Variants in NKAIN3 observed in about 807,000 individuals in gnomAD.
NKAIN3 encodes the protein sodium/potassium transporting ATPase interacting 3.
NKAIN3 carries 25 observed loss-of-function variants against 30.2 expected under a neutral mutation model. The ratio of observed to expected loss-of-function variants is 0.83; its 90% CI spans 0.60 to 1.16. The LOEUF (loss-of-function observed/expected upper bound fraction) is 1.16, where lower values mean the gene tolerates loss of function less well. Ranked by LOEUF, NKAIN3 falls within the 50% of genes most tolerant of loss-of-function variation. NKAIN3 has a pLI of 0.00. For missense variants in NKAIN3, 225 were observed against 254.1 expected (o/e 0.89, Z 0.78); for synonymous variants, 91 against 89.6 (o/e 1.02, Z -0.09).
intron 3 of NKAIN3, among the ~76,000 whole-genome samples, chr8:62,610,901 T>C (rs1811268659): frequency 6.6e-6 from 1 of 152,156 alleles, no homozygotes. Flanking sequence ...TACATATAGT[T>C]TCATAGTAGA....
chr8:62,407,286 T>C (rs1050286321), intron 1 of NKAIN3, among the ~76,000 whole-genome samples: 1 of 151,854 alleles, frequency 6.6e-6, no homozygotes, highest in African/African-American at 2.4e-5. Context: ...TGTATATGTG[T>C]GTATATATAT....
chr8:62,668,850 A>G (rs1813212144), intron 3 of NKAIN3, among the ~76,000 whole-genome samples: 1 of 152,178 alleles, frequency 6.6e-6, no homozygotes, highest in Non-Finnish European at 1.5e-5. Context: ...CTAATTGTCA[A>G]GTTTTCCTTC....
At chr8:62,268,430 G>T (rs935960992) in intron 1 of NKAIN3, among the ~76,000 whole-genome samples, 3 of 152,094 alleles carry the variant, frequency 2.0e-5, no homozygotes, top group Non-Finnish European at 4.4e-5. Flanking sequence ...TCTATCCTCT[G>T]GGGGGACACC....
At chr8:62,631,720 T>A (rs1811965462) in intron 3 of NKAIN3, among the ~76,000 whole-genome samples, 1 of 152,140 alleles carries the variant, frequency 6.6e-6, no homozygotes, top group Non-Finnish European at 1.5e-5. Context: ...CCCTAATACC[T>A]AATGAAATTC....
chr8:62,675,592 T>C (rs1471517), intron 3 of NKAIN3, among the ~76,000 whole-genome samples: 59,159 of 151,966 alleles, frequency 0.39, 13,373 homozygotes, highest in African/African-American at 0.61. Flanking sequence ...CTTTGAGGGC[T>C]GGGGACTCTA....
At chr8:62,804,451 C>T (rs948115712) in intron 4 of NKAIN3, among the ~76,000 whole-genome samples, 7 of 152,204 alleles carry the variant, frequency 4.6e-5, no homozygotes, top group African/African-American at 1.7e-4. Context: ...GTTTATCCAC[C>T]ACGATCAAGT....
chr8:62,420,428 C>T (rs1419415513), intron 1 of NKAIN3, among the ~76,000 whole-genome samples: 1 of 152,102 alleles, frequency 6.6e-6, no homozygotes, highest in Non-Finnish European at 1.5e-5. Flanking sequence ...ATTGGTATTT[C>T]CGTGTTACAC....
At position 62,782,175 on chromosome 8, in the gene NKAIN3, G is replaced by A. The variant is rs181342298; in HGVS notation, c.471+35046G>A. On this transcript the variant is annotated intron_variant, in intron 4 of 6. Transcript: ENST00000623646. The stretch of plus-strand genomic sequence containing the variant: ...GCCAACAGTGTATGAAAAGATACTC[G>A]ACATCACTAATCATCAGAGAAATGC... 2.6e-3 allele frequency among the ~76,000 whole-genome samples: 389 copies of A among 151,660 alleles called. 2 individuals carry two copies. Among genetic ancestry groups the A allele is most frequent in the African/African-American group, 8.9e-3 (370 of 41,428 alleles).
chr8:62,598,648 G>C (rs985825421), intron 3 of NKAIN3, among the ~76,000 whole-genome samples: 8 of 151,986 alleles, frequency 5.3e-5, no homozygotes, highest in Non-Finnish European at 1.2e-4. Context: ...CCCTCCCTCT[G>C]TGTCTGCCTA....
chr8:62,776,337 G>GT (rs1366782682), intron 4 of NKAIN3, among the ~76,000 whole-genome samples: 2 of 151,766 alleles, frequency 1.3e-5, no homozygotes, highest in African/African-American at 2.4e-5. Context: ...TTTTCTGAGG[G>GT]TTTTTTTGTG....
chr8:62,449,319 G>A (rs935427778), intron 1 of NKAIN3, among the ~76,000 whole-genome samples: 9 of 151,926 alleles, frequency 5.9e-5, no homozygotes, highest in Admixed American at 3.3e-4. Context: ...CTATTAAATC[G>A]TGTCTAACTT....
intron 1 of NKAIN3, among the ~76,000 whole-genome samples, chr8:62,459,038 G>T (rs1463460037): frequency 1.4e-5 from 2 of 141,128 alleles, no homozygotes; most frequent in Admixed American, 7.5e-5. Context: ...AAAAGGTAGA[G>T]TTTATGTGTG....
chr8:62,769,817 G>A (rs968573964), intron 4 of NKAIN3, among the ~76,000 whole-genome samples: 7 of 152,182 alleles, frequency 4.6e-5, no homozygotes, highest in Non-Finnish European at 1.0e-4. Context: ...GCAGTTTGGA[G>A]ATTCAACAGT....
At chr8:62,257,898 A>G (rs1812310565) in intron 1 of NKAIN3, among the ~76,000 whole-genome samples, 1 of 152,138 alleles carries the variant, frequency 6.6e-6, no homozygotes, top group African/African-American at 2.4e-5. Flanking sequence ...ACTTACATAT[A>G]GATTTTTGTT....
chr8:62,879,528 G>A (rs1024724582), intron 4 of NKAIN3, among the ~76,000 whole-genome samples: 2 of 152,036 alleles, frequency 1.3e-5, no homozygotes, highest in Non-Finnish European at 2.9e-5. Context: ...TGTTTTTGTT[G>A]CTGCTGTGTT....
chr8:62,464,128 T>G (rs960284096), intron 1 of NKAIN3, among the ~76,000 whole-genome samples: 1 of 152,198 alleles, frequency 6.6e-6, no homozygotes, highest in African/African-American at 2.4e-5. Context: ...ATTGTTAAGA[T>G]GTTAACAATG....
chr8:62,806,242 G>A (rs1269054296), intron 4 of NKAIN3, among the ~76,000 whole-genome samples: 1 of 152,196 alleles, frequency 6.6e-6, no homozygotes, highest in Non-Finnish European at 1.5e-5. Context: ...GGAAGTCAGT[G>A]TGGCGATTCC....
intron 1 of NKAIN3, among the ~76,000 whole-genome samples, chr8:62,345,197 G>A (rs564391133): frequency 7.3e-5 from 11 of 150,786 alleles, no homozygotes; most frequent in Admixed American, 4.0e-4. Flanking sequence ...TAATTAAAAC[G>A]GTTTTTTGGT....
intron 1 of NKAIN3, among the ~76,000 whole-genome samples, chr8:62,367,604 A>G (rs1816774820): frequency 6.6e-6 from 1 of 152,178 alleles, no homozygotes; most frequent in Non-Finnish European, 1.5e-5. Context: ...GTGCAATTTT[A>G]TATGTGATAA....
Sources: allele counts gnomAD v4.1 joint callset (sites outside exome capture counted in the v4.1 genomes callset), GRCh38; gene constraint gnomAD v4.1.1; transcripts MANE v1.5; gene names NCBI Gene and HGNC (gene_info 2026-07-23, HGNC 2026-07-21).